The following FXR1 variants were observed in gnomAD, a reference collection of about 807,000 sequenced individuals.
The protein encoded by FXR1 is RNA-binding protein FXR1.
In FXR1, 15 loss-of-function variants were observed where a neutral mutation model predicts 84.0. The observed-to-expected ratio is 0.18, with a 90% CI of 0.12 to 0.27. The LOEUF is 0.27. FXR1 is among the 10% of genes least tolerant of loss of function. The pLI, the probability that FXR1 is intolerant of heterozygous loss-of-function variation, is 1.00. For synonymous variants in FXR1, 245 were observed against 250.7 expected (o/e 0.98, Z 0.21); for missense variants, 480 against 774.4 (o/e 0.62, Z 4.51).
chr3:180,945,849 C>T (rs1721637851), intron 3 of FXR1, among the ~76,000 whole-genome samples: 1 of 152,206 alleles, frequency 6.6e-6, no homozygotes. Context: ...TCATCTTTCC[C>T]TCTTCTCCTT....
In FXR1 at chr3:180,947,879, A is replaced by G. The variant is rs1301016312; in HGVS notation, c.213A>G (p.Ala71=). The G allele has an allele frequency of 1.2e-6, 2 of 1,606,130 alleles. No individual in the cohort carries two copies. The highest frequency in any genetic ancestry group is 1.7e-6 in the Non-Finnish European group (2 of 1,174,040). ...EGDEVEVYSR[A]NDQEPCGWWL... is the part of the protein sequence containing the mutation. The stretch of plus-strand genomic sequence containing the variant: ...TTTCTTCTCAGGTATATTCAAGAGC[A>G]AATGACCAAGAGCCATGTGGGTGGT... The change falls in exon 4 of 17, where the codon GCA becomes GCG. Residue 71 remains alanine (A), a synonymous_variant. Coordinates refer to ENST00000357559, the MANE Select transcript of FXR1 (RefSeq NM_005087.4).
At chr3:180,938,002 A>G (rs980182393) in intron 3 of FXR1, among the ~76,000 whole-genome samples, 2 of 152,122 alleles carry the variant, frequency 1.3e-5, no homozygotes, top group African/African-American at 4.8e-5. Flanking sequence ...TAAGTTATAT[A>G]TTTGTGACTT....
chr3:180,949,331 TA>T lies in FXR1; in HGVS notation c.620del (p.Lys207SerfsTer3). The T allele has an allele frequency of 6.7e-7, 1 of 1,485,992 alleles. No individual in the cohort carries two copies. The highest frequency in any genetic ancestry group is 9.4e-7 in the Non-Finnish European group (1 of 1,062,786). 92.1% of individuals were successfully genotyped at this position (1,485,992 alleles called of 1,614,324 possible). ...TTATGTCCAGAAATGAAGAGGCCAC[TA>T]AGCATTTAGAAGTAAGTGGGTTTAC... ...MLMSRNEEATKHLECTKQLAA... is the reference protein window; with the variant it reads ...MLMSRNEEATXHLECTKQLAA... On this transcript the variant is annotated frameshift_variant, in exon 7 of 17. Transcript: ENST00000357559. LOFTEE classifies it high-confidence loss of function.
intron 9 of FXR1, chr3:180,954,128 T>G (rs1234859938): frequency 3.8e-6 from 1 of 265,118 alleles, no homozygotes; most frequent in Non-Finnish European, 7.1e-6. Flanking sequence ...TTTCATCCCT[T>G]GGGATCTTCC....
At chr3:180,949,958 C>T (rs1433304266) in intron 7 of FXR1, among the ~76,000 whole-genome samples, 1 of 152,114 alleles carries the variant, frequency 6.6e-6, no homozygotes, top group East Asian at 1.9e-4. Context: ...ACTGCCTTGT[C>T]ATCTGTCAGT....
intron 3 of FXR1, among the ~76,000 whole-genome samples, chr3:180,941,650 G>T (rs1162316816): frequency 2.0e-5 from 3 of 152,082 alleles, no homozygotes; most frequent in Non-Finnish European, 4.4e-5. Flanking sequence ...CTTACTGCTT[G>T]GGAAACGCTC....
At position 180,919,578 on chromosome 3, in the gene FXR1, C is replaced by T. The variant is rs117883939; in HGVS notation, c.51+6842C>T. 2.6e-4 allele frequency among the ~76,000 whole-genome samples: 39 copies of T among 151,774 alleles called. 1 individual carries two copies. In the South Asian group the frequency reaches 5.2e-3, roughly 20 times the overall value. Reference sequence around the variant, plus strand: ...GGATTACAGGCGTGAGCCACTGCGCCGGGCCAATAATTTTTTACATTGATT... The same window carrying T: ...GGATTACAGGCGTGAGCCACTGCGCTGGGCCAATAATTTTTTACATTGATT... On this transcript the variant is annotated intron_variant, in intron 1 of 16. Coordinates refer to ENST00000357559, the MANE Select transcript of FXR1 (RefSeq NM_005087.4).
At chr3:180,932,518 T>C (rs760938177) in intron 1 of FXR1, among the ~76,000 whole-genome samples, 1 of 152,230 alleles carries the variant, frequency 6.6e-6, no homozygotes, top group Non-Finnish European at 1.5e-5. Flanking sequence ...TCCTTTGCTC[T>C]TTCTTGAGTA....
Position 180,968,179 on chromosome 3 carries a change from G to A in FXR1, c.1327G>A (p.Gly443Arg). 6.2e-7 allele frequency: 1 copy of A among 1,614,020 alleles called. No individual in the cohort carries two copies. Among genetic ancestry groups the A allele is most frequent in the Non-Finnish European group, 8.5e-7 (1 of 1,179,858 alleles). ...TCAGCGTGACAGCAGGAGACGCCCA[G>A]GAGGAAGAGGCAGAAGTGTTTCAGG... is the stretch of plus-strand genomic sequence containing the variant. ...RHQRDSRRRP[G>R]GRGRSVSGGR... is the part of the protein sequence containing the mutation. The change falls in exon 14 of 17, where the codon GGA (glycine) becomes AGA (arginine). Residue 443 changes from glycine (G) to arginine (R), a missense_variant. By Grantham distance (125) the Gly-to-Arg change is moderately radical (BLOSUM62 -2). Around this residue, in one of 6 missense-constraint regions of FXR1, gnomAD observed 157 missense variants for 227.8 expected, o/e 0.69. Coordinates refer to ENST00000357559, the MANE Select transcript of FXR1 (RefSeq NM_005087.4).
chr3:180,951,671 A>G (rs1722242741), intron 8 of FXR1, among the ~76,000 whole-genome samples: 2 of 152,244 alleles, frequency 1.3e-5, no homozygotes, highest in Non-Finnish European at 1.5e-5. Context: ...TTACTAAGTA[A>G]TTAAATATGT....
intron 3 of FXR1, among the ~76,000 whole-genome samples, chr3:180,936,569 G>C (rs903266544): frequency 2.6e-5 from 4 of 152,206 alleles, no homozygotes; most frequent in African/African-American, 9.6e-5. Context: ...TACATGGCCT[G>C]ATTTTTTAAT....
intron 15 of FXR1, 92 bp downstream of exon 15, chr3:180,970,450 C>CT (rs1311017360): frequency 4.3e-5 from 10 of 233,070 alleles, no homozygotes; most frequent in African/African-American, 1.1e-4. Context: ...GTATATGAAG[C>CT]TTTTTTCAAA....
At chr3:180,914,596 T>C (rs1236887071) in intron 1 of FXR1, 1 of 171,026 alleles carries the variant, frequency 5.8e-6, no homozygotes, top group Non-Finnish European at 1.2e-5. Context: ...AAGGTAATTT[T>C]AGTAAAGATT....
intron 3 of FXR1, among the ~76,000 whole-genome samples, chr3:180,943,337 C>T (rs1033961573): frequency 7.7e-5 from 10 of 129,268 alleles, no homozygotes; most frequent in South Asian, 5.4e-4. Flanking sequence ...GGCAGTGGTG[C>T]GATCTTGGCT....
At chr3:180,940,585 C>CTTTTTTTTTTTTTTTTT in intron 3 of FXR1, among the ~76,000 whole-genome samples, 1 of 147,432 alleles carries the variant, frequency 6.8e-6, no homozygotes, top group African/African-American at 2.5e-5. Flanking sequence ...TTTCTGTTTT[C>CTTTTTTTTTTTTTTTTT]TTTTTTTTTT....
chr3:180,969,475 T>G (rs1471952078), intron 14 of FXR1, among the ~76,000 whole-genome samples: 1 of 152,202 alleles, frequency 6.6e-6, no homozygotes, highest in East Asian at 1.9e-4. Flanking sequence ...GAATTGTACC[T>G]TACAGTTTTT....
At chr3:180,950,771 AG>A (rs1722151732) in intron 7 of FXR1, among the ~76,000 whole-genome samples, 1 of 152,150 alleles carries the variant, frequency 6.6e-6, no homozygotes, top group African/African-American at 2.4e-5. Flanking sequence ...CTTAGCATCA[AG>A]GTTCATCTAT....
At position 180,979,341 on chromosome 3, in the gene FXR1, T is replaced by G. The variant is rs1209303887; in HGVS notation, c.*3049T>G. 6.6e-6 allele frequency: 1 copy of G among 152,084 alleles called. No individual in the cohort carries two copies. The highest frequency in any genetic ancestry group is 1.5e-5 in the Non-Finnish European group (1 of 67,982). 9.4% of individuals were successfully genotyped at this position (152,084 alleles called of 1,614,324 possible). On this transcript the variant is annotated 3_prime_UTR_variant, in exon 17 of 17. Transcript: ENST00000357559. Reference sequence around the variant, plus strand: ...GGGACAGATGATTGGTGGTTAAGAATTACAGTAAAGGAAAATTACACCTGG... The same window carrying G: ...GGGACAGATGATTGGTGGTTAAGAAGTACAGTAAAGGAAAATTACACCTGG...
chr3:180,947,187 T>A (rs1721787476), intron 3 of FXR1, among the ~76,000 whole-genome samples: 1 of 152,092 alleles, frequency 6.6e-6, no homozygotes, highest in Non-Finnish European at 1.5e-5. Flanking sequence ...TAGATGAGAT[T>A]ACAGGCACCT....
Sources: gnomAD v4.1 joint callset for allele counts (sites outside exome capture counted in the v4.1 genomes callset) on GRCh38, gnomAD v4.1.1 for gene constraint, gnomAD v4.1.1 regional missense constraint, MANE v1.5 for transcripts, NCBI Gene and HGNC (gene_info 2026-07-23, HGNC 2026-07-21) for gene names.